ZNF676: variants seen among roughly 807,000 people sequenced by gnomAD.
The protein encoded by ZNF676 is zinc finger protein 676.
A neutral mutation model predicts 6.0 loss-of-function variants in ZNF676; 4 were observed. The ratio of observed to expected loss-of-function variants is 0.67; its 90% CI spans 0.33 to 1.53. The LOEUF (loss-of-function observed/expected upper bound fraction) is 1.53, where lower values mean the gene tolerates loss of function less well. ZNF676 is among the 40% of genes most tolerant of loss of function. The probability of loss-of-function intolerance (pLI) is 0.06; values close to 1 mark genes in which losing one functional copy is unlikely to be tolerated. For missense variants in ZNF676, 644 were observed against 679.7 expected, an observed-to-expected ratio of 0.95 and a Z score of 0.58; for synonymous variants, 198 against 223.1, an observed-to-expected ratio of 0.89 and a Z score of 1.00.
At chr19:22,229,457 C>T in the ZNF676 span, among the ~76,000 whole-genome samples, 1 of 152,120 alleles carries the variant, frequency 6.6e-6, no homozygotes, top group South Asian at 2.1e-4. Flanking sequence ...GACTTCATGA[C>T]TAAAACAGCA....
At chr19:22,218,524 T>C (rs2024216663), upstream of ZNF676, among the ~76,000 whole-genome samples, 1 of 151,504 alleles carries the variant, frequency 6.6e-6, no homozygotes, top group Non-Finnish European at 1.5e-5. Context: ...TTTTGTATTT[T>C]TAGTAGAGAC....
Position 22,181,589 on chromosome 19 carries a change from G to T in ZNF676, c.131-3C>A. 1 of 1,528,976 alleles carries T rather than the reference G, an allele frequency of 6.5e-7. No homozygotes were observed. The highest frequency in any genetic ancestry group is 1.4e-5 in the African/African-American group (1 of 71,596). 94.7% of individuals were successfully genotyped at this position (1,528,976 alleles called of 1,614,324 possible). A position where few individuals can be genotyped will look rare whatever the true frequency, so the allele number is the denominator to read the frequency against. On this transcript the variant is annotated splice_region_variant and splice_polypyrimidine_tract_variant and intron_variant, in intron 2 of 2. Coordinates refer to ENST00000397121, the MANE Select transcript of ZNF676 (RefSeq NM_001001411.3). ...TTGGGAAAAATGAGAACATATAACT[G>T]AAAAGAAATAAAAATAACAAATTAA... is the stretch of plus-strand genomic sequence containing the variant.
At chr19:22,213,130 T>C (rs1369592285) in intron 1 of ZNF676, among the ~76,000 whole-genome samples, 1 of 152,198 alleles carries the variant, frequency 6.6e-6, no homozygotes, top group Non-Finnish European at 1.5e-5. Flanking sequence ...CACCCCATCC[T>C]GTTCACTTAA....
chr19:22,234,179 T>G, the ZNF676 span, among the ~76,000 whole-genome samples: 4,885 of 152,290 alleles, frequency 0.032, 273 homozygotes, highest in African/African-American at 0.11. Flanking sequence ...AGAAAGGAAC[T>G]GTAGCGCCAC....
chr19:22,195,803 C>T (rs2023961064), intron 1 of ZNF676, among the ~76,000 whole-genome samples: 1 of 152,062 alleles, frequency 6.6e-6, no homozygotes, highest in South Asian at 2.1e-4. Flanking sequence ...AGCCCATTTG[C>T]GGGGAGCTTT....
intron 1 of ZNF676, among the ~76,000 whole-genome samples, chr19:22,211,755 C>T (rs539076535): frequency 4.6e-5 from 7 of 152,226 alleles, no homozygotes; most frequent in Middle Eastern, 3.4e-3. Context: ...GATGTTTTCA[C>T]GAATCTATGT....
chr19:22,241,243 C>G, the ZNF676 span, among the ~76,000 whole-genome samples: 1 of 151,974 alleles, frequency 6.6e-6, no homozygotes, highest in Non-Finnish European at 1.5e-5. Flanking sequence ...ATGAAATTAA[C>G]AATCCCACAC....
intron 1 of ZNF676, among the ~76,000 whole-genome samples, chr19:22,206,054 T>G (rs1233926054): frequency 3.7e-5 from 3 of 81,902 alleles, no homozygotes; most frequent in Admixed American, 2.8e-4. Context: ...CTCCCAAAAC[T>G]CAACACACAC....
At chr19:22,252,918 C>A in the ZNF676 span, among the ~76,000 whole-genome samples, 9 of 152,198 alleles carry the variant, frequency 5.9e-5, no homozygotes, top group Admixed American at 4.6e-4. Flanking sequence ...GTCACAGCTA[C>A]ATGAAGGTCC....
chr19:22,239,656 A>G, the ZNF676 span, among the ~76,000 whole-genome samples: 1 of 152,234 alleles, frequency 6.6e-6, no homozygotes, highest in Admixed American at 6.5e-5. Flanking sequence ...TGTAATTTCC[A>G]TAAGTGTCAT....
chr19:22,255,031 A>C, the ZNF676 span, among the ~76,000 whole-genome samples: 1 of 152,224 alleles, frequency 6.6e-6, no homozygotes, highest in Non-Finnish European at 1.5e-5. Context: ...TACGAGAGTC[A>C]ATACCTACTG....
chr19:22,239,675 G>C, the ZNF676 span, among the ~76,000 whole-genome samples: 1 of 152,192 alleles, frequency 6.6e-6, no homozygotes, highest in Non-Finnish European at 1.5e-5. Context: ...ATAATCTTCT[G>C]TGACTCTCAT....
the ZNF676 span, among the ~76,000 whole-genome samples, chr19:22,255,566 C>A: frequency 6.6e-6 from 1 of 152,180 alleles, no homozygotes; most frequent in Non-Finnish European, 1.5e-5. Context: ...TTTGCTATCA[C>A]TGGGTGCAGT....
At chr19:22,212,199 C>CAA (rs34421901) in intron 1 of ZNF676, among the ~76,000 whole-genome samples, 40,234 of 118,598 alleles carry the variant, frequency 0.34, 6,334 homozygotes, top group South Asian at 0.4. Context: ...GATTCTGTCT[C>CAA]AAAAAAAAAA....
the ZNF676 span, among the ~76,000 whole-genome samples, chr19:22,232,526 A>T: frequency 1.3e-5 from 2 of 152,182 alleles, no homozygotes; most frequent in Non-Finnish European, 1.5e-5. Flanking sequence ...ACAGAATAAT[A>T]GTAAGAGAAC....
chr19:22,192,531 T>C (rs1349195944), intron 2 of ZNF676, among the ~76,000 whole-genome samples: 2 of 152,218 alleles, frequency 1.3e-5, no homozygotes, highest in East Asian at 1.9e-4. Flanking sequence ...AAGGATATTA[T>C]ACTTTATAAT....
chr19:22,201,107 G>C (rs1483186790), upstream of ZNF676, among the ~76,000 whole-genome samples: 1 of 152,052 alleles, frequency 6.6e-6, no homozygotes, highest in African/African-American at 2.4e-5. Context: ...CCAGAATCTG[G>C]GTTGCCTGTC....
chr19:22,235,608 C>G, the ZNF676 span, among the ~76,000 whole-genome samples: 1 of 152,202 alleles, frequency 6.6e-6, no homozygotes, highest in East Asian at 1.9e-4. Context: ...TTTCCATCCT[C>G]TGGCATGCAA....
upstream of ZNF676, among the ~76,000 whole-genome samples, chr19:22,201,134 TG>T (rs914723357): frequency 4.1e-4 from 63 of 152,254 alleles, no homozygotes; most frequent in African/African-American, 1.4e-3. Context: ...TGCTAGCTGT[TG>T]GGTAAGTAGA....
Sources: allele counts gnomAD v4.1 joint callset (sites outside exome capture counted in the v4.1 genomes callset), GRCh38; gene constraint gnomAD v4.1.1; transcripts MANE v1.5; gene names NCBI Gene and HGNC (gene_info 2026-07-23, HGNC 2026-07-21).